The following PRSS12 variants were observed in gnomAD, a reference collection of about 807,000 sequenced individuals.
PRSS12 encodes neurotrypsin.
In PRSS12, 85 loss-of-function variants were observed where a neutral mutation model predicts 104.4. That is an observed-to-expected ratio of 0.81 (90% CI 0.68 to 0.98). The LOEUF (loss-of-function observed/expected upper bound fraction) is 0.98, where lower values mean the gene tolerates loss of function less well. Ranked by LOEUF, PRSS12 falls within the 50% of genes least tolerant of loss-of-function variation. The pLI, the probability that PRSS12 is intolerant of heterozygous loss-of-function variation, is 0.00. For missense variants in PRSS12, 1,141 were observed against 1,139.2 expected, an observed-to-expected ratio of 1.00 and a Z score of -0.02; for synonymous variants, 454 against 425.2, an observed-to-expected ratio of 1.07 and a Z score of -0.83.
At position 118,282,836 on chromosome 4, in the gene PRSS12, TCACCC is replaced by T; in HGVS notation, c.2310_2314del (p.Trp770Ter). 2 of 1,614,188 alleles carry T rather than the reference TCACCC, an allele frequency of 1.2e-6. No individual in the cohort carries two copies. Among genetic ancestry groups the T allele is most frequent in the South Asian group, 2.2e-5 (2 of 91,084 alleles). ...TTTTTTTGATTATGCCTTACCTGTG[TCACCC>T]CATCCTGTTATGTAACAGTTGGATG... On this transcript the variant is annotated stop_gained and frameshift_variant, in exon 12 of 13. Transcript: ENST00000296498. LOFTEE classifies it high-confidence loss of function.
chr4:118,294,151 G>A (rs2126027947), intron 11 of PRSS12, among the ~76,000 whole-genome samples: 1 of 152,196 alleles, frequency 6.6e-6, no homozygotes, highest in South Asian at 2.1e-4. Context: ...CAACAATGTG[G>A]TACACATTTT....
intron 8 of PRSS12, among the ~76,000 whole-genome samples, chr4:118,300,423 A>T (rs1211006584): frequency 5.9e-5 from 9 of 152,192 alleles, no homozygotes; most frequent in Non-Finnish European, 1.3e-4. Context: ...AAAGTATGCA[A>T]ATACAAAAAT....
chr4:118,321,306 T>C (rs966695249), intron 4 of PRSS12, among the ~76,000 whole-genome samples: 1 of 152,214 alleles, frequency 6.6e-6, no homozygotes, highest in African/African-American at 2.4e-5. Context: ...TTTCAAAGTA[T>C]GTCTATATGC....
intron 1 of PRSS12, among the ~76,000 whole-genome samples, chr4:118,346,113 A>G (rs1489636219): frequency 1.3e-5 from 2 of 152,150 alleles, no homozygotes; most frequent in South Asian, 2.1e-4. Context: ...TTCTATCTCT[A>G]AGTGAAGCCT....
chr4:118,294,818 G>C (rs1743215579), intron 11 of PRSS12, 121 bp downstream of exon 11: 1 of 1,359,004 alleles, frequency 7.4e-7, no homozygotes, highest in Non-Finnish European at 1.0e-6. Flanking sequence ...CAGGGCTGCT[G>C]GCACAAGCAG....
At chr4:118,343,428 C>T (rs1049934338) in intron 1 of PRSS12, among the ~76,000 whole-genome samples, 1 of 152,192 alleles carries the variant, frequency 6.6e-6, no homozygotes, top group South Asian at 2.1e-4. Flanking sequence ...AGCAAAACAA[C>T]CTTCCTTTCC....
At chr4:118,305,920 T>A (rs558351204) in intron 8 of PRSS12, 1 of 152,116 alleles carries the variant, frequency 6.6e-6, no homozygotes, top group Non-Finnish European at 1.5e-5. Context: ...TTTCAGTAAC[T>A]GTATATATAT....
chr4:118,352,324 GTCC>G lies in PRSS12; in HGVS notation c.394_396del (p.Gly132del), dbSNP rs1467143030. On this transcript the variant is annotated inframe_deletion, in exon 1 of 13. Coordinates refer to ENST00000296498, the MANE Select transcript of PRSS12 (RefSeq NM_003619.4). ...GGGCTCCGACAAAAGTTGTGGCGCT[GTCC>G]TCGCAGCTGAGCCCAGCTCGCTGGG... 2 of 1,592,096 alleles carry G rather than the reference GTCC, an allele frequency of 1.3e-6. No individual in the cohort carries two copies. Among genetic ancestry groups the G allele is most frequent in the African/African-American group, 2.7e-5 (2 of 74,786 alleles).
Position 118,318,362 on chromosome 4 carries a change from G to A in PRSS12, c.1150+16C>T. On this transcript the variant is annotated intron_variant, in intron 5 of 12. Transcript: ENST00000296498. The stretch of plus-strand genomic sequence containing the variant: ...TGGGGGCAAGAACTGGTACACTAAT[G>A]GAGTGAAATCCTTACCTGTTAGAGG... 1 of 1,613,228 alleles carries A rather than the reference G, an allele frequency of 6.2e-7. No homozygotes were observed. The highest frequency in any genetic ancestry group is 1.3e-5 in the African/African-American group (1 of 75,032).
intron 1 of PRSS12, among the ~76,000 whole-genome samples, chr4:118,340,214 T>G (rs1229712618): frequency 6.6e-6 from 1 of 152,242 alleles, no homozygotes; most frequent in African/African-American, 2.4e-5. Context: ...AACTATCAGC[T>G]GCACCATCAT....
rs142551296 is a variant in PRSS12 at position 118,294,944 on chromosome 4, G to C, written c.2034C>G (p.Phe678Leu). 1.4e-4 allele frequency: 222 copies of C among 1,613,922 alleles called. No individual in the cohort carries two copies. Among genetic ancestry groups the C allele is most frequent in the Admixed American group, 9.3e-4 (56 of 59,988 alleles). The change falls in exon 11 of 13, where the codon TTC becomes TTG. Residue 678 changes from phenylalanine to leucine, a missense_variant. Transcript: ENST00000296498. Reference protein sequence around the residue: ...SCWVLTAAHCFKRYGNSTRSY... With the variant: ...SCWVLTAAHCLKRYGNSTRSY... The stretch of plus-strand genomic sequence containing the variant: ...TTGGGAAGGTGGACACATACCTCTT[G>C]AAACAGTGTGCTGCTGTGAGGACCC...
In PRSS12 at chr4:118,281,270, G is replaced by A. The variant is rs887338441; in HGVS notation, c.*666C>T. ...AAATTTTGCTAGTTTATACGCTGTA[G>A]GTAGAAAGTATTTTTATCTTATGGT... On this transcript the variant is annotated 3_prime_UTR_variant, in exon 13 of 13. Transcript: ENST00000296498. The A allele has an allele frequency of 1.3e-5, 2 of 153,272 alleles. No homozygotes were observed. The highest frequency in any genetic ancestry group is 4.8e-5 in the African/African-American group (2 of 41,560). 9.5% of individuals were successfully genotyped at this position (153,272 alleles called of 1,614,324 possible).
intron 4 of PRSS12, among the ~76,000 whole-genome samples, chr4:118,325,580 C>T (rs765063671): frequency 6.6e-6 from 1 of 152,036 alleles, no homozygotes; most frequent in Admixed American, 6.6e-5. Flanking sequence ...CAGTCACTAG[C>T]ATTTCCTGGT....
rs375310340 is a variant in PRSS12, at chr4:118,308,193, C to A, written c.1631+243G>T. 2.1e-4 allele frequency among the ~76,000 whole-genome samples: 32 copies of A among 152,272 alleles called. No individual in the cohort carries two copies. In the East Asian group the frequency reaches 6.2e-3, roughly 29 times the overall value. On this transcript the variant is annotated intron_variant, in intron 8 of 12. Coordinates refer to ENST00000296498, the MANE Select transcript of PRSS12 (RefSeq NM_003619.4). ...ATTATGACTAGTCAGAGTTATTAGA[C>A]TATTTTGTTATTAGATAAAAAGCTA...
intron 9 of PRSS12, among the ~76,000 whole-genome samples, chr4:118,297,989 T>C (rs955184562): frequency 3.2e-4 from 48 of 151,786 alleles, no homozygotes; most frequent in Non-Finnish European, 1.6e-4. Context: ...AATACAAAAA[T>C]TAGCTGGGCG....
At chr4:118,314,732 T>A (rs1743860340) in intron 6 of PRSS12, among the ~76,000 whole-genome samples, 1 of 152,042 alleles carries the variant, frequency 6.6e-6, no homozygotes, top group Admixed American at 6.5e-5. Flanking sequence ...AGAACATTTT[T>A]AAAATAAATG....
chr4:118,319,362 C>G (rs1723547164), intron 4 of PRSS12, among the ~76,000 whole-genome samples: 3 of 152,076 alleles, frequency 2.0e-5, no homozygotes, highest in African/African-American at 7.2e-5. Context: ...ACCACCGCAC[C>G]CTGCCATAAG....
At chr4:118,335,797 A>G (rs1461002894) in intron 2 of PRSS12, 146 bp from the exon 3 acceptor site, 1 of 792,266 alleles carries the variant, frequency 1.3e-6, no homozygotes, top group Non-Finnish European at 2.1e-6. Context: ...ACAAAAGACT[A>G]CATCAGTTTC....
intron 4 of PRSS12, among the ~76,000 whole-genome samples, chr4:118,330,285 T>C (rs1723885276): frequency 6.6e-6 from 1 of 152,192 alleles, no homozygotes; most frequent in South Asian, 2.1e-4. Context: ...AAATGCAAGA[T>C]GAGAATACAT....
Sources: allele counts gnomAD v4.1 joint callset (sites outside exome capture counted in the v4.1 genomes callset), GRCh38; gene constraint gnomAD v4.1.1; transcripts MANE v1.5; gene names NCBI Gene and HGNC (gene_info 2026-07-23, HGNC 2026-07-21).